GUCY1A2: variants seen among roughly 807,000 people sequenced by gnomAD.
GUCY1A2 encodes guanylate cyclase soluble subunit alpha-2.
In GUCY1A2, 27 loss-of-function variants were observed where a neutral mutation model predicts 63.5. That is an observed-to-expected ratio of 0.43 (90% confidence interval 0.31 to 0.59). The LOEUF (loss-of-function observed/expected upper bound fraction) is 0.59. Among genes scored for constraint, GUCY1A2 ranks in the 20% least tolerant of loss-of-function variants. GUCY1A2 has a pLI of 0.11. For synonymous variants in GUCY1A2, 364 were observed against 343.5 expected, an observed-to-expected ratio of 1.06 and a Z score of -0.66; for missense variants, 768 against 913.3, an observed-to-expected ratio of 0.84 and a Z score of 2.05.
intron 4 of GUCY1A2, among the ~76,000 whole-genome samples, chr11:106,896,020 A>AT (rs1244286071): frequency 1.2e-4 from 18 of 147,148 alleles, no homozygotes; most frequent in East Asian, 3.9e-4. Flanking sequence ...AAAAAAAAAA[A>AT]AATATATATA....
At chr11:106,940,926 T>C (rs1473869694) in intron 3 of GUCY1A2, among the ~76,000 whole-genome samples, 6 of 152,140 alleles carry the variant, frequency 3.9e-5, no homozygotes, top group Non-Finnish European at 7.4e-5. Context: ...TTACTTCTTA[T>C]CGAAATGCAT....
At chr11:106,951,495 A>G (rs1860908476) in intron 3 of GUCY1A2, among the ~76,000 whole-genome samples, 1 of 152,082 alleles carries the variant, frequency 6.6e-6, no homozygotes, top group Admixed American at 6.5e-5. Flanking sequence ...ATGATCAGTG[A>G]TGTTGAGCTT....
At chr11:106,757,562 T>C (rs1365995073) in intron 6 of GUCY1A2, among the ~76,000 whole-genome samples, 1 of 152,244 alleles carries the variant, frequency 6.6e-6, no homozygotes, top group Admixed American at 6.5e-5. Flanking sequence ...TTGATGTTGA[T>C]GCTATTCCTC....
chr11:106,790,723 C>T (rs1175194058), intron 5 of GUCY1A2, among the ~76,000 whole-genome samples: 1 of 152,094 alleles, frequency 6.6e-6, no homozygotes, highest in East Asian at 1.9e-4. Context: ...GGACTGGATC[C>T]TTCCCTTCAA....
intron 5 of GUCY1A2, among the ~76,000 whole-genome samples, chr11:106,785,066 T>G (rs1231793470): frequency 6.6e-6 from 1 of 152,194 alleles, no homozygotes; most frequent in African/African-American, 2.4e-5. Flanking sequence ...ATCTCATCTC[T>G]TAATGCCCAC....
chr11:106,776,309 C>G, intron 6 of GUCY1A2, 130 bp downstream of exon 6: 1 of 668,168 alleles, frequency 1.5e-6, no homozygotes, highest in South Asian at 1.9e-5. Context: ...TCTAGTCACT[C>G]CTTGTCCTCC....
intron 6 of GUCY1A2, among the ~76,000 whole-genome samples, chr11:106,731,296 A>C (rs368607156): frequency 6.6e-6 from 1 of 152,130 alleles, no homozygotes; most frequent in Admixed American, 6.6e-5. Flanking sequence ...CACATGGTTA[A>C]CTCAAAAGAT....
At chr11:106,885,640 A>G (rs1236318124) in intron 4 of GUCY1A2, among the ~76,000 whole-genome samples, 1 of 152,202 alleles carries the variant, frequency 6.6e-6, no homozygotes, top group African/African-American at 2.4e-5. Context: ...ATCGAACCAC[A>G]TAATTCCATT....
chr11:106,809,140 G>T (rs1486586845), intron 5 of GUCY1A2, among the ~76,000 whole-genome samples: 1 of 152,058 alleles, frequency 6.6e-6, no homozygotes, highest in Non-Finnish European at 1.5e-5. Flanking sequence ...CTGCTTATGT[G>T]AAGATCATAC....
intron 4 of GUCY1A2, among the ~76,000 whole-genome samples, chr11:106,924,378 A>C (rs2119915631): frequency 6.6e-6 from 1 of 152,298 alleles, no homozygotes; most frequent in African/African-American, 2.4e-5. Flanking sequence ...AGACTCCATA[A>C]AAATAAGAAC....
intron 4 of GUCY1A2, among the ~76,000 whole-genome samples, chr11:106,856,338 A>G (rs183398415): frequency 1.3e-5 from 2 of 152,288 alleles, no homozygotes; most frequent in East Asian, 3.9e-4. Flanking sequence ...CCGTCTTCAC[A>G]TGCCCCAAAG....
chr11:106,933,179 A>G (rs1239283247), intron 4 of GUCY1A2, among the ~76,000 whole-genome samples: 1 of 152,148 alleles, frequency 6.6e-6, no homozygotes, highest in African/African-American at 2.4e-5. Flanking sequence ...ACAACCTAAA[A>G]AATGGGAGAA....
chr11:106,884,711 T>A (rs1859874914), intron 4 of GUCY1A2, among the ~76,000 whole-genome samples: 1 of 152,148 alleles, frequency 6.6e-6, no homozygotes, highest in Non-Finnish European at 1.5e-5. Context: ...CTGAAAAATG[T>A]CCCTGGAGGT....
At chr11:106,715,899 G>T (rs1863205121) in intron 6 of GUCY1A2, among the ~76,000 whole-genome samples, 1 of 152,156 alleles carries the variant, frequency 6.6e-6, no homozygotes, top group African/African-American at 2.4e-5. Context: ...TATGATCATT[G>T]CTACAAAGTT....
chr11:106,898,102 C>T (rs1860076656), intron 4 of GUCY1A2, among the ~76,000 whole-genome samples: 2 of 152,104 alleles, frequency 1.3e-5, no homozygotes, highest in African/African-American at 4.8e-5. Flanking sequence ...ATATGTTCCA[C>T]ATCATATGGC....
At chr11:106,795,929 T>C (rs1159169430) in intron 5 of GUCY1A2, among the ~76,000 whole-genome samples, 3 of 152,146 alleles carry the variant, frequency 2.0e-5, no homozygotes, top group Non-Finnish European at 4.4e-5. Context: ...CCCACTATTA[T>C]TGTGTGGGAG....
chr11:106,749,002 A>G (rs1321666209), intron 6 of GUCY1A2, among the ~76,000 whole-genome samples: 1 of 152,114 alleles, frequency 6.6e-6, no homozygotes, highest in East Asian at 1.9e-4. Flanking sequence ...TGATGGGCTC[A>G]CATATACAAT....
chr11:106,938,363 A>G (rs957021744), intron 4 of GUCY1A2, among the ~76,000 whole-genome samples: 23 of 152,350 alleles, frequency 1.5e-4, no homozygotes, highest in African/African-American at 5.3e-4. Context: ...CTGCTTTCAG[A>G]GGGCTATTTC....
At chr11:106,760,340 A>G (rs1263196896) in intron 6 of GUCY1A2, among the ~76,000 whole-genome samples, 8 of 149,472 alleles carry the variant, frequency 5.4e-5, no homozygotes, top group Admixed American at 5.3e-4. Flanking sequence ...ATGAAAAGAC[A>G]TTTGGAGTTG....
Sources: gnomAD v4.1 joint callset for allele counts (sites outside exome capture counted in the v4.1 genomes callset) on GRCh38, gnomAD v4.1.1 for gene constraint, MANE v1.5 for transcripts, NCBI Gene and HGNC (gene_info 2026-07-23, HGNC 2026-07-21) for gene names.